The following C1QTNF3 variants were observed in gnomAD, a reference collection of about 807,000 sequenced individuals.
The protein encoded by C1QTNF3 is complement C1q tumor necrosis factor-related protein 3.
Under a neutral mutation model 32.6 loss-of-function variants are expected in C1QTNF3, and 26 were observed. The observed-to-expected ratio is 0.80, with a 90% confidence interval of 0.58 to 1.11. The LOEUF is 1.11. C1QTNF3 is among the 50% of genes least tolerant of loss of function. The pLI, the probability that C1QTNF3 is intolerant of heterozygous loss-of-function variation, is 0.00. For missense variants in C1QTNF3, 362 were observed against 398.2 expected (o/e 0.91, Z 0.77); for synonymous variants, 155 against 146.0 (o/e 1.06, Z -0.44).
At chr5:34,096,833 A>G in the C1QTNF3 span, among the ~76,000 whole-genome samples, 1 of 151,482 alleles carries the variant, frequency 6.6e-6, no homozygotes, top group African/African-American at 2.4e-5. Flanking sequence ...AACAAATACC[A>G]CTCTTTGTTA....
At chr5:34,154,029 AAAT>A in the C1QTNF3 span, among the ~76,000 whole-genome samples, 125 of 85,458 alleles carry the variant, frequency 1.5e-3, no homozygotes, top group African/African-American at 5.2e-3. Context: ...TAAACCTGCA[AAAT>A]AAAAAAAAAA....
chr5:34,064,920 G>A, the C1QTNF3 span, among the ~76,000 whole-genome samples: 6 of 151,980 alleles, frequency 3.9e-5, no homozygotes, highest in African/African-American at 1.5e-4. Flanking sequence ...ATCACATTGA[G>A]GATTTAAGTG....
the C1QTNF3 span, among the ~76,000 whole-genome samples, chr5:34,063,312 T>C: frequency 6.7e-6 from 1 of 148,516 alleles, no homozygotes; most frequent in Non-Finnish European, 1.5e-5. Context: ...CTCTCTCACT[T>C]CTCTCTCCCT....
chr5:34,123,424 G>T, the C1QTNF3 span, among the ~76,000 whole-genome samples: 1 of 151,988 alleles, frequency 6.6e-6, no homozygotes, highest in African/African-American at 2.4e-5. Flanking sequence ...CAAACATGAG[G>T]TGTGTGTATT....
At position 34,019,977 on chromosome 5, in the gene C1QTNF3, C is replaced by T. The variant is rs959593402; in HGVS notation, c.*606G>A. On this transcript the variant is annotated 3_prime_UTR_variant, in exon 6 of 6. Transcript: ENST00000382065. Reference sequence around the variant, plus strand: ...GGGAACATACACAAAATTACAACCACATTACTGGTCAAGCACTTTATAGCT... The same window carrying T: ...GGGAACATACACAAAATTACAACCATATTACTGGTCAAGCACTTTATAGCT... The T allele has an allele frequency of 6.6e-6, 1 of 152,436 alleles. No individual in the cohort carries two copies. The highest frequency in any genetic ancestry group is 1.5e-5 in the Non-Finnish European group (1 of 68,216). 9.4% of individuals were successfully genotyped at this position (152,436 alleles called of 1,614,324 possible). A position where few individuals can be genotyped will look rare whatever the true frequency, so the allele number is the denominator to read the frequency against.
rs1362413717 is a variant in C1QTNF3, at chr5:34,020,374, A to C, written c.*209T>G. 1 of 556,166 alleles carries C rather than the reference A, an allele frequency of 1.8e-6. No homozygotes were observed. The highest frequency in any genetic ancestry group is 3.2e-6 in the Non-Finnish European group (1 of 316,684). The allele number at this position is 556,166 out of a possible 1,614,324, so 34.5% of individuals were successfully genotyped here. Reference sequence around the variant, plus strand: ...ATAAAGATGCTGAGTATATTAGTCAAGGTCATCTGAGAAGACTATTTTGTG... The same window carrying C: ...ATAAAGATGCTGAGTATATTAGTCACGGTCATCTGAGAAGACTATTTTGTG... On this transcript the variant is annotated 3_prime_UTR_variant, in exon 6 of 6. Coordinates refer to ENST00000382065, the MANE Select transcript of C1QTNF3 (RefSeq NM_181435.6).
the C1QTNF3 span, among the ~76,000 whole-genome samples, chr5:34,239,707 C>T: frequency 7.2e-5 from 11 of 152,136 alleles, no homozygotes; most frequent in Non-Finnish European, 1.0e-4. Context: ...TCAACACCCC[C>T]GCTGGCAGCA....
chr5:34,196,416 G>A, the C1QTNF3 span, among the ~76,000 whole-genome samples: 1 of 152,296 alleles, frequency 6.6e-6, no homozygotes, highest in Non-Finnish European at 1.5e-5. Context: ...AGGAATACAG[G>A]CATAAGCCAC....
chr5:34,200,666 TAAA>T, the C1QTNF3 span: 1 of 152,164 alleles, frequency 6.6e-6, no homozygotes, highest in Non-Finnish European at 1.5e-5. Context: ...ATAATAAAAT[TAAA>T]AAACTTGACC....
chr5:34,169,766 T>C, the C1QTNF3 span, among the ~76,000 whole-genome samples: 1 of 152,090 alleles, frequency 6.6e-6, no homozygotes, highest in Admixed American at 6.6e-5. Context: ...ATGTTGATTT[T>C]CAAAAAACCA....
At chr5:34,127,738 C>A in the C1QTNF3 span, among the ~76,000 whole-genome samples, 2 of 151,796 alleles carry the variant, frequency 1.3e-5, no homozygotes, top group African/African-American at 4.8e-5. Context: ...CAGGCATGCA[C>A]CACCACGCCC....
the C1QTNF3 span, among the ~76,000 whole-genome samples, chr5:34,228,965 T>A: frequency 6.6e-6 from 1 of 151,912 alleles, no homozygotes; most frequent in Admixed American, 6.6e-5. Context: ...TAGAGTTTTT[T>A]TTTTTTTAAC....
chr5:34,213,146 C>A, the C1QTNF3 span, among the ~76,000 whole-genome samples: 2 of 152,118 alleles, frequency 1.3e-5, no homozygotes, highest in African/African-American at 2.4e-5. Flanking sequence ...GGATTAATAT[C>A]TTTTATATAA....
chr5:34,188,978 T>C, the C1QTNF3 span, among the ~76,000 whole-genome samples: 12 of 150,604 alleles, frequency 8.0e-5, no homozygotes, highest in African/African-American at 2.5e-4. Flanking sequence ...CCCATGCTGT[T>C]CTCATGGTAG....
chr5:34,110,400 C>T, the C1QTNF3 span, among the ~76,000 whole-genome samples: 2 of 152,174 alleles, frequency 1.3e-5, no homozygotes, highest in Admixed American at 6.5e-5. Flanking sequence ...CACCCTTCTT[C>T]CTCAAGTTAG....
chr5:34,126,098 G>A, the C1QTNF3 span, among the ~76,000 whole-genome samples: 16 of 152,282 alleles, frequency 1.1e-4, no homozygotes, highest in East Asian at 3.9e-4. Flanking sequence ...CCTTGTCAGC[G>A]AGAAATGTTC....
chr5:34,196,819 C>A, the C1QTNF3 span, among the ~76,000 whole-genome samples: 1 of 151,954 alleles, frequency 6.6e-6, no homozygotes, highest in Non-Finnish European at 1.5e-5. Context: ...GCCACCACGC[C>A]CGGCTAATTT....
At chr5:34,176,858 T>TGAAC in the C1QTNF3 span, among the ~76,000 whole-genome samples, 5 of 124,886 alleles carry the variant, frequency 4.0e-5, no homozygotes, top group African/African-American at 1.9e-4. Context: ...CCCTATCTCA[T>TGAAC]GAATGAATGA....
chr5:34,027,987 T>TC (rs1370205442), intron 4 of C1QTNF3, among the ~76,000 whole-genome samples: 1 of 152,172 alleles, frequency 6.6e-6, no homozygotes, highest in Non-Finnish European at 1.5e-5. Context: ...CTCTTTTTTT[T>TC]TTTGAGACGG....
Sources: allele counts gnomAD v4.1 joint callset (sites outside exome capture counted in the v4.1 genomes callset), GRCh38; gene constraint gnomAD v4.1.1; transcripts MANE v1.5; gene names NCBI Gene and HGNC (gene_info 2026-07-23, HGNC 2026-07-21).